The following GORAB variants were observed in gnomAD, a reference collection of about 807,000 sequenced individuals.
The protein encoded by GORAB is golgin, RAB6 interacting, also known as RAB6-interacting golgin.
Under a neutral mutation model 29.9 loss-of-function variants are expected in GORAB, and 17 were observed. That is an observed-to-expected ratio of 0.57 (90% CI 0.39 to 0.85). The LOEUF is 0.85. Ranked by LOEUF, GORAB falls within the 40% of genes least tolerant of loss-of-function variation. The pLI, the probability that GORAB is intolerant of heterozygous loss-of-function variation, is 0.00. For missense variants in GORAB, 442 were observed against 437.8 expected (o/e 1.01, Z -0.09); for synonymous variants, 183 against 157.2 (o/e 1.16, Z -1.23).
At chr1:170,540,718 T>C (rs189511919) in intron 2 of GORAB, among the ~76,000 whole-genome samples, 20 of 152,354 alleles carry the variant, frequency 1.3e-4, no homozygotes, top group African/African-American at 4.1e-4. Flanking sequence ...GGGAAACTTA[T>C]TCTTTTTTTG....
intron 2 of GORAB, among the ~76,000 whole-genome samples, chr1:170,541,555 A>G (rs1429588067): frequency 6.6e-6 from 1 of 151,972 alleles, no homozygotes; most frequent in Non-Finnish European, 1.5e-5. Context: ...AGAGAGAAGG[A>G]CAATTTTGGA....
intron 3 of GORAB, among the ~76,000 whole-genome samples, chr1:170,543,411 A>G (rs1649561993): frequency 6.6e-6 from 1 of 152,148 alleles, no homozygotes; most frequent in East Asian, 1.9e-4. Context: ...GCTTGAAGCT[A>G]GAGTATGTGT....
At chr1:170,548,034 A>C (rs543725048) in intron 4 of GORAB, among the ~76,000 whole-genome samples, 1 of 152,232 alleles carries the variant, frequency 6.6e-6, no homozygotes, top group Non-Finnish European at 1.5e-5. Flanking sequence ...TTAGTTTCCT[A>C]AGACTACCAT....
At chr1:170,551,936 G>A (rs574547696) in intron 4 of GORAB, 79 bp from the exon 5 acceptor site, 2 of 1,261,516 alleles carry the variant, frequency 1.6e-6, no homozygotes, top group Admixed American at 1.9e-5. Context: ...TTGGAGTTGA[G>A]TTATTGTTTC....
At chr1:170,532,457 C>A in intron 1 of GORAB, 173 bp downstream of exon 1, 1 of 692,118 alleles carries the variant, frequency 1.4e-6, no homozygotes, top group Admixed American at 2.3e-5. Flanking sequence ...CTGGGAGTCA[C>A]GACGGGAGGG....
intron 1 of GORAB, among the ~76,000 whole-genome samples, chr1:170,535,727 C>CT (rs1458195614): frequency 5.3e-5 from 8 of 150,870 alleles, no homozygotes; most frequent in African/African-American, 9.7e-5. Context: ...TTTCTTTCTT[C>CT]TTTTTTTTTC....
At chr1:170,537,672 C>T (rs546992423) in intron 1 of GORAB, among the ~76,000 whole-genome samples, 14 of 152,230 alleles carry the variant, frequency 9.2e-5, no homozygotes, top group African/African-American at 3.4e-4. Flanking sequence ...CTAAAGGTGA[C>T]TCGGAATTTG....
chr1:170,542,714 GACTA>G (rs1364152606), intron 3 of GORAB, 122 bp downstream of exon 3: 7 of 762,532 alleles, frequency 9.2e-6, no homozygotes, highest in East Asian at 7.5e-5. Flanking sequence ...TTACTTTTAA[GACTA>G]ACTAAACAAA....
chr1:170,548,165 C>T (rs901848952), intron 4 of GORAB, among the ~76,000 whole-genome samples: 15 of 152,378 alleles, frequency 9.8e-5, no homozygotes, highest in African/African-American at 3.4e-4. Flanking sequence ...TCTAGGTATC[C>T]ATTTCTTGCC....
chr1:170,533,062 T>G (rs748219876), intron 1 of GORAB, among the ~76,000 whole-genome samples: 1 of 152,238 alleles, frequency 6.6e-6, no homozygotes. Flanking sequence ...GGTTGAAATT[T>G]CGCAGTGATC....
intron 4 of GORAB, 152 bp downstream of exon 4, chr1:170,544,997 G>T: frequency 7.2e-7 from 1 of 1,383,024 alleles, no homozygotes; most frequent in Middle Eastern, 2.7e-4. Flanking sequence ...TAATTCAAGT[G>T]TCTCCTCTTC....
chr1:170,536,177 G>A (rs563506593), intron 1 of GORAB: 15 of 152,102 alleles, frequency 9.9e-5, no homozygotes, highest in African/African-American at 3.4e-4. Flanking sequence ...AAATTTTAGA[G>A]TTTTCCCTAT....
At chr1:170,546,819 A>G (rs183676024) in intron 4 of GORAB, among the ~76,000 whole-genome samples, 1 of 152,070 alleles carries the variant, frequency 6.6e-6, no homozygotes, top group African/African-American at 2.4e-5. Context: ...TGAGTAGCCC[A>G]ACTATAGGTG....
intron 2 of GORAB, among the ~76,000 whole-genome samples, chr1:170,542,205 C>T (rs1225772028): frequency 6.6e-6 from 1 of 152,138 alleles, no homozygotes; most frequent in African/African-American, 2.4e-5. Flanking sequence ...ACACATGCCA[C>T]AGTATTCTGG....
intron 4 of GORAB, among the ~76,000 whole-genome samples, chr1:170,551,515 T>C (rs1161622979): frequency 6.6e-6 from 1 of 152,192 alleles, no homozygotes; most frequent in Non-Finnish European, 1.5e-5. Context: ...TCTCCATCTC[T>C]TGTCTGTCTT....
rs1412419758 is a variant in GORAB, at chr1:170,532,219, G to C, written c.-5G>C. The C allele has an allele frequency of 6.2e-7, 1 of 1,613,930 alleles. No individual in the cohort carries two copies. The highest frequency in any genetic ancestry group is 1.3e-5 in the African/African-American group (1 of 74,894). ...CACTTTTGGGGGTGCCGGTGGCCCGGGCCGATGGCGCAAGGTTGGGCAGGA... is the reference window on the plus strand; with the variant it reads ...CACTTTTGGGGGTGCCGGTGGCCCGCGCCGATGGCGCAAGGTTGGGCAGGA... On this transcript the variant is annotated 5_prime_UTR_variant, in exon 1 of 5. Transcript: ENST00000367763.
At chr1:170,544,186 G>C (rs1376273882) in intron 3 of GORAB, among the ~76,000 whole-genome samples, 1 of 152,166 alleles carries the variant, frequency 6.6e-6, no homozygotes, top group African/African-American at 2.4e-5. Flanking sequence ...AGTTTTCCTA[G>C]AGAACAAGAA....
chr1:170,544,680 C>G, intron 3 of GORAB, 25 bp from the exon 4 acceptor site: 1 of 1,609,156 alleles, frequency 6.2e-7, no homozygotes, highest in South Asian at 1.1e-5. Flanking sequence ...TTCTTATTTT[C>G]CCACTCACAT....
At position 170,542,593 on chromosome 1, in the gene GORAB, G is replaced by A. The variant is rs1334034608; in HGVS notation, c.521+1G>A. The A allele has an allele frequency of 1.2e-6, 2 of 1,600,010 alleles. No individual in the cohort carries two copies. The highest frequency in any genetic ancestry group is 2.7e-5 in the African/African-American group (2 of 74,630). On this transcript the variant is annotated splice_donor_variant, in intron 3 of 4. Coordinates refer to ENST00000367763, the MANE Select transcript of GORAB (RefSeq NM_152281.3). LOFTEE classifies it high-confidence loss of function. ...TTTTGGCTAAAGCTATTGCAGAAAG[G>A]TGAGGCACCTGAACCAGGAGAGGCT...
Sources: gnomAD v4.1 joint callset for allele counts (sites outside exome capture counted in the v4.1 genomes callset) on GRCh38, gnomAD v4.1.1 for gene constraint, MANE v1.5 for transcripts, NCBI Gene and HGNC (gene_info 2026-07-23, HGNC 2026-07-21) for gene names.